Variants in SCLT1 observed in about 807,000 individuals in gnomAD.
SCLT1 encodes the protein sodium channel-associated protein 1.
SCLT1 carries 78 observed loss-of-function variants against 112.8 expected under a neutral mutation model. That is an observed-to-expected ratio of 0.69 (90% CI 0.58 to 0.83). The LOEUF (loss-of-function observed/expected upper bound fraction) is 0.83, where lower values mean the gene tolerates loss of function less well. Among genes scored for constraint, SCLT1 ranks in the 40% least tolerant of loss-of-function variants. SCLT1 has a pLI of 0.00. For missense variants in SCLT1, 747 were observed against 770.4 expected, an observed-to-expected ratio of 0.97 and a Z score of 0.36; for synonymous variants, 257 against 254.7, an observed-to-expected ratio of 1.01 and a Z score of -0.09.
At chr4:129,009,729 CAT>C (rs1744354873) in intron 5 of SCLT1, among the ~76,000 whole-genome samples, 1 of 151,920 alleles carries the variant, frequency 6.6e-6, no homozygotes, top group Non-Finnish European at 1.5e-5. Context: ...AGCTTTTTTT[CAT>C]ATGGTTATTG....
At chr4:128,924,547 C>T (rs1394492868) in intron 18 of SCLT1, among the ~76,000 whole-genome samples, 1 of 152,134 alleles carries the variant, frequency 6.6e-6, no homozygotes, top group African/African-American at 2.4e-5. Flanking sequence ...GTTGGGATTA[C>T]AGGCATGAGC....
intron 14 of SCLT1, among the ~76,000 whole-genome samples, chr4:128,949,842 T>C (rs1012013699): frequency 1.9e-5 from 2 of 107,224 alleles, no homozygotes; most frequent in Non-Finnish European, 3.5e-5. Flanking sequence ...TGGCTTTTTT[T>C]CCTCTTTTTT....
intron 5 of SCLT1, among the ~76,000 whole-genome samples, chr4:129,012,905 C>T (rs150067012): frequency 2.4e-4 from 36 of 151,964 alleles, no homozygotes; most frequent in African/African-American, 8.4e-4. Flanking sequence ...ATGTTTGTCA[C>T]TGCATGTGAG....
chr4:129,031,963 T>C, intron 5 of SCLT1, among the ~76,000 whole-genome samples: 1 of 152,126 alleles, frequency 6.6e-6, no homozygotes. Context: ...TTAAATTTCA[T>C]ATGGAATCAA....
At chr4:129,034,242 C>A (rs1746991484) in intron 5 of SCLT1, among the ~76,000 whole-genome samples, 1 of 151,872 alleles carries the variant, frequency 6.6e-6, no homozygotes, top group Non-Finnish European at 1.5e-5. Flanking sequence ...TAAACATTTA[C>A]TATACTGTAT....
chr4:128,933,494 T>G (rs1389216649), intron 18 of SCLT1, among the ~76,000 whole-genome samples: 3 of 152,138 alleles, frequency 2.0e-5, no homozygotes, highest in Admixed American at 1.3e-4. Context: ...GTGACCCCAG[T>G]AATCTTGATA....
intron 5 of SCLT1, among the ~76,000 whole-genome samples, chr4:129,028,752 G>A (rs1232142883): frequency 6.6e-6 from 1 of 151,956 alleles, no homozygotes; most frequent in African/African-American, 2.4e-5. Context: ...CCTACAAAAA[G>A]GGAGAAAATT....
chr4:128,993,733 T>C (rs570883946), intron 8 of SCLT1, among the ~76,000 whole-genome samples: 4 of 152,188 alleles, frequency 2.6e-5, no homozygotes, highest in Non-Finnish European at 5.9e-5. Flanking sequence ...TGTCAGCCTG[T>C]TTTACCACGG....
intron 12 of SCLT1, among the ~76,000 whole-genome samples, chr4:128,958,940 G>A (rs1293744364): frequency 6.6e-6 from 1 of 152,026 alleles, no homozygotes; most frequent in Non-Finnish European, 1.5e-5. Flanking sequence ...CTTTGTACCC[G>A]TATTCTGCAT....
chr4:128,999,739 A>G lies in SCLT1; in HGVS notation c.482T>C (p.Leu161Pro). 2 of 1,606,452 alleles carry G rather than the reference A, an allele frequency of 1.2e-6. No individual in the cohort carries two copies. Among genetic ancestry groups the G allele is most frequent in the Non-Finnish European group, 1.7e-6 (2 of 1,174,812 alleles). Residue 161 changes from leucine to proline, a missense_variant, in exon 7 of 21, where the codon CTA becomes CCA. Transcript: ENST00000281142. ...CATATGTTCCTGGTAAAGCTTGTGT[A>G]GTCTGTCCAACTCCTGAGAAACAGT... ...WQTVSQELDR[L>P]HKLYQEHMTE...
At chr4:128,910,094 T>C (rs189838442) in intron 18 of SCLT1, among the ~76,000 whole-genome samples, 12 of 152,338 alleles carry the variant, frequency 7.9e-5, no homozygotes, top group African/African-American at 2.6e-4. Context: ...CGCATGCTTA[T>C]ACACATGCAA....
chr4:129,088,468 T>C (rs1752579214), intron 1 of SCLT1, among the ~76,000 whole-genome samples: 1 of 152,216 alleles, frequency 6.6e-6, no homozygotes, highest in Admixed American at 6.5e-5. Context: ...AGGATATGGA[T>C]GTGTATTCCC....
intron 5 of SCLT1, among the ~76,000 whole-genome samples, chr4:129,021,493 G>A (rs1452246382): frequency 6.6e-6 from 1 of 152,210 alleles, no homozygotes; most frequent in Non-Finnish European, 1.5e-5. Context: ...ATATGATCAA[G>A]CTTGGTTGCG....
intron 2 of SCLT1, 76 bp from the exon 3 acceptor site, chr4:129,044,127 G>T: frequency 2.8e-6 from 2 of 707,814 alleles, no homozygotes; most frequent in Non-Finnish European, 4.9e-6. Context: ...AATATTAAAT[G>T]CAATTAAATT....
At chr4:129,056,197 G>A (rs1031259273) in intron 2 of SCLT1, among the ~76,000 whole-genome samples, 7 of 152,142 alleles carry the variant, frequency 4.6e-5, no homozygotes, top group East Asian at 1.9e-4. Context: ...CATTGGTCTC[G>A]CTGGGAGCTG....
At chr4:128,937,933 C>A (rs1404213605) in intron 17 of SCLT1, among the ~76,000 whole-genome samples, 1 of 152,048 alleles carries the variant, frequency 6.6e-6, no homozygotes, top group Non-Finnish European at 1.5e-5. Flanking sequence ...ATGTAACTAC[C>A]TAAGTACCAT....
intron 3 of SCLT1, among the ~76,000 whole-genome samples, chr4:128,877,672 CT>C (rs1732551735): frequency 6.6e-6 from 1 of 151,160 alleles, no homozygotes; most frequent in Non-Finnish European, 1.5e-5. Context: ...CAGAGTGAGA[CT>C]CGGTCTCAAA....
chr4:128,887,329 G>A (rs1209640491), intron 20 of SCLT1, among the ~76,000 whole-genome samples: 1 of 152,112 alleles, frequency 6.6e-6, no homozygotes, highest in African/African-American at 2.4e-5. Flanking sequence ...TTACTTTCAA[G>A]AGGGAGAGTA....
At position 128,886,122 on chromosome 4, in the gene SCLT1, G is replaced by A. The variant is rs987440646; in HGVS notation, c.2005-1583C>T. 2.6e-5 allele frequency among the ~76,000 whole-genome samples: 4 copies of A among 151,974 alleles called. No individual in the cohort carries two copies. The South Asian group carries it at 6.2e-4, about 24-fold the overall frequency. ...TTATTAATTTTTTTCTTAGCTTCTA[G>A]GTTTTGTGTTCTTGCATTGAAAGGC... On this transcript the variant is annotated intron_variant, in intron 20 of 20. Transcript: ENST00000281142.
Sources: gnomAD v4.1 joint callset for allele counts (sites outside exome capture counted in the v4.1 genomes callset) on GRCh38, gnomAD v4.1.1 for gene constraint, MANE v1.5 for transcripts, NCBI Gene and HGNC (gene_info 2026-07-23, HGNC 2026-07-21) for gene names.